Variants in PHTF2 observed in about 807,000 individuals in gnomAD.
PHTF2 encodes the protein putative homeodomain transcription factor 2, also known as protein PHTF2.
Under a neutral mutation model 101.2 loss-of-function variants are expected in PHTF2, and 60 were observed. The observed-to-expected ratio is 0.59, with a 90% CI of 0.48 to 0.73. The LOEUF is 0.73. Among genes scored for constraint, PHTF2 ranks in the 30% least tolerant of loss-of-function variants. PHTF2 has a pLI of 0.00. For missense variants in PHTF2, 747 were observed against 908.7 expected (o/e 0.82, Z 2.29); for synonymous variants, 311 against 307.3 (o/e 1.01, Z -0.13).
At chr7:77,886,572 A>AG (rs1799868139) in intron 3 of PHTF2, among the ~76,000 whole-genome samples, 1 of 152,004 alleles carries the variant, frequency 6.6e-6, no homozygotes, top group Admixed American at 6.5e-5. Flanking sequence ...TAATGGTAGG[A>AG]GGAGGTACAT....
intron 3 of PHTF2, among the ~76,000 whole-genome samples, chr7:77,862,854 C>T (rs1250612824): frequency 6.6e-6 from 1 of 152,130 alleles, no homozygotes; most frequent in Non-Finnish European, 1.5e-5. Flanking sequence ...GGCAAATGTA[C>T]CAACTTTGAA....
At chr7:77,880,752 A>G (rs1027418319) in intron 3 of PHTF2, among the ~76,000 whole-genome samples, 1 of 152,170 alleles carries the variant, frequency 6.6e-6, no homozygotes, top group African/African-American at 2.4e-5. Context: ...TCAGTGCTGA[A>G]TTGTTCAGGA....
At chr7:77,800,580 G>T (rs956903373) in intron 1 of PHTF2, among the ~76,000 whole-genome samples, 1 of 152,158 alleles carries the variant, frequency 6.6e-6, no homozygotes, top group Admixed American at 6.5e-5. Flanking sequence ...GCCCAAACTG[G>T]CACTGGACAG....
At chr7:77,920,549 A>G in intron 10 of PHTF2, 84 bp downstream of exon 9, 4 of 920,606 alleles carry the variant, frequency 4.3e-6, no homozygotes, top group Non-Finnish European at 6.9e-6. Flanking sequence ...GTTGCCCTTG[A>G]ACTAAGTATT....
intron 10 of PHTF2, 116 bp from the exon 10 acceptor site, chr7:77,922,507 G>A: frequency 1.6e-6 from 1 of 629,736 alleles, no homozygotes; most frequent in Non-Finnish European, 2.5e-6. Context: ...TGTGGTAGTT[G>A]AGGATATTTT....
intron 7 of PHTF2, among the ~76,000 whole-genome samples, chr7:77,904,692 A>AT (rs1352953745): frequency 3.3e-5 from 5 of 152,174 alleles, no homozygotes; most frequent in African/African-American, 1.2e-4. Flanking sequence ...CAAGAGTCGT[A>AT]TCAGTTTAAG....
intron 12 of PHTF2, among the ~76,000 whole-genome samples, chr7:77,935,068 C>G (rs6949970): frequency 0.021 from 3,157 of 151,320 alleles, 93 homozygotes; most frequent in African/African-American, 0.072. Context: ...TCATGTGATG[C>G]TGTTCTCCAC....
At chr7:77,892,433 A>G (rs1050760058) in intron 3 of PHTF2, among the ~76,000 whole-genome samples, 1 of 152,216 alleles carries the variant, frequency 6.6e-6, no homozygotes, top group Non-Finnish European at 1.5e-5. Context: ...TAATGTGTAG[A>G]TTAAAGGACT....
rs779662548 is a variant in PHTF2 at position 77,942,799 on chromosome 7, G to A, written c.1959+13G>A. ...CTGTTGTGCCCAGGTGAGTTAACTC[G>A]CTCCATGTAGAAATTAACCAGATAT... On this transcript the variant is annotated intron_variant, in intron 16 of 19. Transcript: ENST00000416283. The A allele has an allele frequency of 7.5e-6, 10 of 1,335,730 alleles. No homozygotes were observed. The Admixed American group carries it at 8.0e-5, about 11-fold the overall frequency. The allele number at this position is 1,335,730 out of a possible 1,614,324, so 82.7% of individuals were successfully genotyped here. A position where few individuals can be genotyped will look rare whatever the true frequency, so the allele number is the denominator to read the frequency against.
intron 3 of PHTF2, among the ~76,000 whole-genome samples, chr7:77,868,674 T>A (rs1798274074): frequency 6.6e-6 from 1 of 152,172 alleles, no homozygotes; most frequent in Admixed American, 6.5e-5. Context: ...TTGCTATTAT[T>A]TTGAGAAAAG....
chr7:77,908,744 G>A, intron 7 of PHTF2, 49 bp from the exon 7 acceptor site: 2 of 1,206,880 alleles, frequency 1.7e-6, no homozygotes, highest in South Asian at 1.7e-5. Flanking sequence ...GTTTTGAAGA[G>A]GTGACTATCA....
intron 1 of PHTF2, among the ~76,000 whole-genome samples, chr7:77,813,836 T>C (rs1180367985): frequency 6.6e-6 from 1 of 152,204 alleles, no homozygotes; most frequent in Admixed American, 6.5e-5. Flanking sequence ...GGCTGTTAAA[T>C]TGTATTGCAT....
chr7:77,799,904 AATAGTAT>A (rs1349491550), intron 1 of PHTF2, among the ~76,000 whole-genome samples: 2 of 152,210 alleles, frequency 1.3e-5, no homozygotes, highest in East Asian at 3.8e-4. Context: ...TTTCTTTGTT[AATAGTAT>A]ATCCTCCTTG....
At chr7:77,900,899 A>T (rs1362295396) in intron 6 of PHTF2, 119 bp downstream of exon 5, 4 of 617,712 alleles carry the variant, frequency 6.5e-6, no homozygotes, top group African/African-American at 5.6e-5. Flanking sequence ...AATACTTGAG[A>T]TTGGGTAATT....
At chr7:77,953,030 C>T (rs1489220410) in intron 18 of PHTF2, among the ~76,000 whole-genome samples, 2 of 152,168 alleles carry the variant, frequency 1.3e-5, no homozygotes, top group African/African-American at 4.8e-5. Flanking sequence ...ATTGCTGGCC[C>T]AATGATCTTT....
In PHTF2 at chr7:77,836,903, C is replaced by T. The variant is rs527938193; in HGVS notation, c.-35-3318C>T. ...ATGGGTGCAGCAAACCACCATTGCA[C>T]GTGTATACCTATGTAACAAACCTGC... On this transcript the variant is annotated intron_variant, in intron 1 of 19. Coordinates refer to ENST00000416283, the Ensembl canonical transcript of PHTF2. 5.7e-4 allele frequency among the ~76,000 whole-genome samples: 86 copies of T among 149,570 alleles called. 1 individual carries two copies. The highest frequency in any genetic ancestry group is 6.4e-3 in the Middle Eastern group (2 of 312).
At chr7:77,913,697 C>A (rs1526749) in intron 9 of PHTF2, among the ~76,000 whole-genome samples, 13,492 of 152,142 alleles carry the variant, frequency 0.089, 755 homozygotes, top group South Asian at 0.18. Context: ...AATTCTCCCA[C>A]CTTAACCTCC....
chr7:77,819,512 T>C (rs901070894), intron 1 of PHTF2, among the ~76,000 whole-genome samples: 2 of 152,226 alleles, frequency 1.3e-5, no homozygotes, highest in African/African-American at 4.8e-5. Context: ...TGTCTTTTAT[T>C]CTATTGGTGT....
At chr7:77,839,648 CTG>C (rs1244384231) in intron 1 of PHTF2, among the ~76,000 whole-genome samples, 2 of 152,066 alleles carry the variant, frequency 1.3e-5, no homozygotes, top group Non-Finnish European at 2.9e-5. Context: ...AGTTAGCAAA[CTG>C]TGATATCTGG....
Sources: allele counts gnomAD v4.1 joint callset (sites outside exome capture counted in the v4.1 genomes callset), GRCh38; gene constraint gnomAD v4.1.1; transcripts MANE v1.5; gene names NCBI Gene and HGNC (gene_info 2026-07-23, HGNC 2026-07-21).